The following ERC2 variants were observed in gnomAD, a reference collection of about 807,000 sequenced individuals.
ERC2 encodes ERC protein 2.
ERC2 carries 42 observed loss-of-function variants against 114.8 expected under a neutral mutation model. The observed-to-expected ratio is 0.37, with a 90% CI of 0.29 to 0.47. ERC2 has a LOEUF of 0.47. Among genes scored for constraint, ERC2 ranks in the 20% least tolerant of loss-of-function variants. The pLI, the probability that ERC2 is intolerant of heterozygous loss-of-function variation, is 0.99. For synonymous variants in ERC2, 454 were observed against 425.5 expected (o/e 1.07, Z -0.82); for missense variants, 939 against 1,150.7 (o/e 0.82, Z 2.66).
chr3:55,924,892 T>G (rs2065658409), intron 13 of ERC2, among the ~76,000 whole-genome samples: 1 of 152,280 alleles, frequency 6.6e-6, no homozygotes, highest in South Asian at 2.1e-4. Flanking sequence ...CTGTGTGAGC[T>G]TGATCTGACT....
Position 55,556,099 on chromosome 3 carries a change from C to CTT in ERC2, c.*40-44824_*40-44823insAA, listed in dbSNP as rs543338162. Among the ~76,000 whole-genome samples, 509 of 152,306 alleles carry CTT rather than the reference C, an allele frequency of 3.3e-3. 3 individuals carry two copies. Among genetic ancestry groups the CTT allele is most frequent in the Middle Eastern group, 0.031 (9 of 294 alleles). On this transcript the variant is annotated intron_variant, in intron 17 of 17. Coordinates refer to ENST00000288221, the MANE Select transcript of ERC2 (RefSeq NM_015576.3). ...ATGGAAGCCCTCCCTTGGAAACAAA[C>CTT]ATTTCAATTTGGCTGAGAAGGACAC... is the stretch of plus-strand genomic sequence containing the variant.
At chr3:56,281,054 A>G (rs542795795) in intron 3 of ERC2, among the ~76,000 whole-genome samples, 1 of 152,388 alleles carries the variant, frequency 6.6e-6, no homozygotes, top group Non-Finnish European at 1.5e-5. Context: ...GAAGTTCTTA[A>G]GTTGTCCAAA....
intron 14 of ERC2, among the ~76,000 whole-genome samples, chr3:55,784,615 C>G (rs1199560131): frequency 6.6e-6 from 1 of 152,192 alleles, no homozygotes; most frequent in Non-Finnish European, 1.5e-5. Context: ...AGAGATCTTT[C>G]TTCTTCCTTT....
chr3:56,138,431 T>C (rs2080652548), intron 6 of ERC2, among the ~76,000 whole-genome samples: 1 of 152,190 alleles, frequency 6.6e-6, no homozygotes, highest in African/African-American at 2.4e-5. Context: ...AATTGAAGCA[T>C]TCAGGTAGCT....
intron 17 of ERC2, among the ~76,000 whole-genome samples, chr3:55,564,408 C>G (rs1575596253): frequency 6.6e-6 from 1 of 152,138 alleles, no homozygotes; most frequent in Non-Finnish European, 1.5e-5. Context: ...CTTTTTTCCA[C>G]CCATAATTTA....
intron 14 of ERC2, among the ~76,000 whole-genome samples, chr3:55,878,290 T>C (rs746132501): frequency 6.6e-6 from 1 of 152,188 alleles, no homozygotes; most frequent in Non-Finnish European, 1.5e-5. Context: ...ATTAAAACTA[T>C]ACATACAGTG....
At chr3:55,765,187 G>A (rs1004971102) in intron 14 of ERC2, among the ~76,000 whole-genome samples, 11 of 152,088 alleles carry the variant, frequency 7.2e-5, no homozygotes, top group African/African-American at 2.7e-4. Context: ...TCCTAAGATA[G>A]AGAATTCAGA....
At chr3:56,358,338 G>T (rs747697308) in intron 2 of ERC2, among the ~76,000 whole-genome samples, 6 of 152,142 alleles carry the variant, frequency 3.9e-5, no homozygotes, top group Non-Finnish European at 7.3e-5. Context: ...TTATCATAGT[G>T]TCTGTTGTTT....
At chr3:55,937,274 G>T (rs988203714) in intron 13 of ERC2, among the ~76,000 whole-genome samples, 2 of 152,176 alleles carry the variant, frequency 1.3e-5, no homozygotes, top group Non-Finnish European at 2.9e-5. Flanking sequence ...ACTTGAACCT[G>T]GGAGGCGGAG....
chr3:56,157,281 G>A (rs549440460), intron 4 of ERC2, among the ~76,000 whole-genome samples: 9 of 152,230 alleles, frequency 5.9e-5, no homozygotes, highest in East Asian at 3.9e-4. Flanking sequence ...AAAGATCACC[G>A]AGCAAGGTCA....
At chr3:55,644,227 C>T (rs1008337813) in intron 17 of ERC2, among the ~76,000 whole-genome samples, 4 of 152,174 alleles carry the variant, frequency 2.6e-5, no homozygotes, top group Non-Finnish European at 4.4e-5. Context: ...GTCGCACTCT[C>T]TTCAACTTAA....
At chr3:56,047,857 T>A (rs1560085317) in intron 7 of ERC2, among the ~76,000 whole-genome samples, 1 of 152,164 alleles carries the variant, frequency 6.6e-6, no homozygotes, top group South Asian at 2.1e-4. Context: ...TGGCTAATTA[T>A]TTCTGTACAA....
At chr3:56,054,125 T>C (rs1406255349) in intron 7 of ERC2, among the ~76,000 whole-genome samples, 1 of 152,206 alleles carries the variant, frequency 6.6e-6, no homozygotes, top group African/African-American at 2.4e-5. Context: ...AAAGTTATAC[T>C]CTCTGGAAAA....
chr3:56,012,493 C>A (rs141055937), intron 8 of ERC2, among the ~76,000 whole-genome samples: 41 of 152,222 alleles, frequency 2.7e-4, no homozygotes, highest in African/African-American at 9.9e-4. Flanking sequence ...CTGGGCAAAT[C>A]ATCTGGCATA....
chr3:56,321,119 C>T (rs2057109646), intron 2 of ERC2, among the ~76,000 whole-genome samples: 1 of 152,008 alleles, frequency 6.6e-6, no homozygotes, highest in African/African-American at 2.4e-5. Flanking sequence ...CCACCATGTC[C>T]CCAGGAGAGT....
At chr3:56,206,734 C>T (rs2048759614) in intron 3 of ERC2, among the ~76,000 whole-genome samples, 1 of 152,220 alleles carries the variant, frequency 6.6e-6, no homozygotes, top group South Asian at 2.1e-4. Flanking sequence ...CAACTTTTCA[C>T]TGAGTGGTAT....
intron 5 of ERC2, among the ~76,000 whole-genome samples, chr3:56,148,722 G>A (rs778006917): frequency 2.6e-5 from 4 of 152,134 alleles, no homozygotes; most frequent in Non-Finnish European, 5.9e-5. Context: ...AATTCCCAAG[G>A]AAGAGGAATA....
intron 3 of ERC2, among the ~76,000 whole-genome samples, chr3:56,277,584 T>C (rs537407289): frequency 2.6e-5 from 4 of 152,166 alleles, no homozygotes; most frequent in Admixed American, 2.6e-4. Flanking sequence ...CTTATATTCC[T>C]TTCCCTGTCT....
chr3:55,841,209 G>A (rs2061116877), intron 14 of ERC2, among the ~76,000 whole-genome samples: 1 of 152,180 alleles, frequency 6.6e-6, no homozygotes, highest in Admixed American at 6.5e-5. Flanking sequence ...CAACCCAAAT[G>A]TCATCTTGAA....
Sources: allele counts gnomAD v4.1 joint callset (sites outside exome capture counted in the v4.1 genomes callset), GRCh38; gene constraint gnomAD v4.1.1; transcripts MANE v1.5; gene names NCBI Gene and HGNC (gene_info 2026-07-23, HGNC 2026-07-21).